Variants in CHRM3 observed in about 807,000 individuals in gnomAD.
CHRM3 encodes the protein cholinergic receptor muscarinic 3, also known as muscarinic acetylcholine receptor M3.
Under a neutral mutation model 41.8 loss-of-function variants are expected in CHRM3, and 11 were observed. The ratio of observed to expected loss-of-function variants is 0.26; its 90% CI spans 0.17 to 0.44. CHRM3 has a LOEUF of 0.44. Ranked by LOEUF, CHRM3 falls within the 20% of genes least tolerant of loss-of-function variation. The pLI is 1.00. For synonymous variants in CHRM3, 297 were observed against 301.4 expected (o/e 0.99, Z 0.15); for missense variants, 571 against 745.4 (o/e 0.77, Z 2.72).
chr1:239,508,973 G>A (rs1325380482), intron 2 of CHRM3, among the ~76,000 whole-genome samples: 1 of 152,162 alleles, frequency 6.6e-6, no homozygotes. Context: ...AGAAACAACT[G>A]TTCCAAATAA....
intron 5 of CHRM3, among the ~76,000 whole-genome samples, chr1:239,726,015 G>A (rs769713667): frequency 3.3e-5 from 5 of 151,822 alleles, no homozygotes; most frequent in Non-Finnish European, 5.9e-5. Context: ...GTGAAATCTG[G>A]CCCATTCCCT....
At chr1:239,416,135 A>G (rs1460340205) in intron 1 of CHRM3, among the ~76,000 whole-genome samples, 1 of 152,232 alleles carries the variant, frequency 6.6e-6, no homozygotes, top group Non-Finnish European at 1.5e-5. Flanking sequence ...ATAAAATCTT[A>G]GAGACCATGC....
At chr1:239,560,999 G>A (rs1487985650) in intron 3 of CHRM3, among the ~76,000 whole-genome samples, 1 of 151,942 alleles carries the variant, frequency 6.6e-6, no homozygotes, top group Non-Finnish European at 1.5e-5. Context: ...CCCACATTCA[G>A]TTCCTTAGTC....
intron 5 of CHRM3, among the ~76,000 whole-genome samples, chr1:239,710,717 C>A (rs1572058712): frequency 6.6e-6 from 1 of 151,854 alleles, no homozygotes; most frequent in East Asian, 1.9e-4. Context: ...TTTCTTATAT[C>A]TCAATTCTTG....
At chr1:239,562,371 G>A (rs373355193) in intron 3 of CHRM3, among the ~76,000 whole-genome samples, 3 of 152,132 alleles carry the variant, frequency 2.0e-5, no homozygotes, top group Non-Finnish European at 2.9e-5. Flanking sequence ...GCTTCTGAAA[G>A]GTTATGCATC....
At chr1:239,669,854 G>C (rs879874684) in intron 4 of CHRM3, among the ~76,000 whole-genome samples, 2 of 152,172 alleles carry the variant, frequency 1.3e-5, no homozygotes, top group Non-Finnish European at 2.9e-5. Flanking sequence ...CCATCTTGCA[G>C]CTTCAATAAT....
In CHRM3 at chr1:239,914,321, A is replaced by G. The variant is rs1009544168; in HGVS notation, c.*5097A>G. The G allele has an allele frequency of 6.0e-6, 1 of 167,070 alleles. No individual in the cohort carries two copies. Among genetic ancestry groups the G allele is most frequent in the African/African-American group, 2.4e-5 (1 of 41,438 alleles). 10.3% of individuals were successfully genotyped at this position (167,070 alleles called of 1,614,324 possible). A position where few individuals can be genotyped will look rare whatever the true frequency, so the allele number is the denominator to read the frequency against. On this transcript the variant is annotated 3_prime_UTR_variant, in exon 7 of 7. Transcript: ENST00000676153. ...AGAATCTGGCAAATTGCATATATTC[A>G]ATAAATGTTGAATATCTAATAACCT...
chr1:239,744,269 C>T (rs1478724784), intron 5 of CHRM3, among the ~76,000 whole-genome samples: 2 of 152,108 alleles, frequency 1.3e-5, no homozygotes, highest in Non-Finnish European at 2.9e-5. Flanking sequence ...ATTCAGGTCA[C>T]ATTCTAGTCA....
chr1:239,690,042 GACAC>G (rs199731416), intron 5 of CHRM3, among the ~76,000 whole-genome samples: 3 of 113,444 alleles, frequency 2.6e-5, no homozygotes, highest in African/African-American at 9.3e-5. Context: ...CAGAGAGAGA[GACAC>G]AGAGAGAGAG....
intron 3 of CHRM3, among the ~76,000 whole-genome samples, chr1:239,554,108 C>T (rs918957556): frequency 5.3e-5 from 8 of 152,076 alleles, no homozygotes; most frequent in South Asian, 2.1e-4. Context: ...AGTCTGGTCT[C>T]GAATGCCTGG....
intron 2 of CHRM3, among the ~76,000 whole-genome samples, chr1:239,543,463 A>G (rs1658976139): frequency 6.6e-6 from 1 of 151,736 alleles, no homozygotes; most frequent in Non-Finnish European, 1.5e-5. Context: ...TCTCCTCCAA[A>G]TCAAGCATGA....
chr1:239,674,527 G>T (rs1468036637), intron 4 of CHRM3, among the ~76,000 whole-genome samples: 1 of 151,838 alleles, frequency 6.6e-6, no homozygotes, highest in Non-Finnish European at 1.5e-5. Context: ...GGCTAACACG[G>T]TGAAACCCCA....
chr1:239,733,704 A>G (rs1358407703), intron 5 of CHRM3, among the ~76,000 whole-genome samples: 2 of 152,080 alleles, frequency 1.3e-5, no homozygotes, highest in Non-Finnish European at 2.9e-5. Context: ...AGGGAATTTA[A>G]TTTTGAATTA....
chr1:239,524,504 A>G (rs1196541647), intron 2 of CHRM3, among the ~76,000 whole-genome samples: 1 of 152,156 alleles, frequency 6.6e-6, no homozygotes, highest in Non-Finnish European at 1.5e-5. Flanking sequence ...AGTTAACTAC[A>G]TATGCAACTA....
intron 4 of CHRM3, among the ~76,000 whole-genome samples, chr1:239,676,935 T>C (rs182277088): frequency 6.6e-6 from 1 of 152,348 alleles, no homozygotes; most frequent in African/African-American, 2.4e-5. Flanking sequence ...TTTCCTCCTG[T>C]TGTTCTGAGC....
chr1:239,645,989 A>G (rs1671707606), intron 4 of CHRM3, among the ~76,000 whole-genome samples: 1 of 152,220 alleles, frequency 6.6e-6, no homozygotes, highest in Non-Finnish European at 1.5e-5. Context: ...ATTAAAGCAT[A>G]ACATTTGTAC....
intron 1 of CHRM3, among the ~76,000 whole-genome samples, chr1:239,442,663 A>C (rs1269245588): frequency 6.6e-6 from 1 of 152,196 alleles, no homozygotes; most frequent in Non-Finnish European, 1.5e-5. Flanking sequence ...AGAGAAAAAT[A>C]TAAGCAGGGA....
At chr1:239,483,802 C>G (rs1216276446) in intron 1 of CHRM3, among the ~76,000 whole-genome samples, 1 of 152,148 alleles carries the variant, frequency 6.6e-6, no homozygotes. Context: ...CAAACCGCTC[C>G]TGTTTCTGAG....
At chr1:239,713,962 C>G (rs190334553) in intron 5 of CHRM3, among the ~76,000 whole-genome samples, 2 of 152,104 alleles carry the variant, frequency 1.3e-5, no homozygotes, top group East Asian at 3.9e-4. Context: ...GATGTTAATA[C>G]GGCAGATTTC....
Sources: allele counts gnomAD v4.1 joint callset (sites outside exome capture counted in the v4.1 genomes callset), GRCh38; gene constraint gnomAD v4.1.1; transcripts MANE v1.5; gene names NCBI Gene and HGNC (gene_info 2026-07-23, HGNC 2026-07-21).